BIRC6: variants seen among roughly 807,000 people sequenced by gnomAD.
BIRC6 encodes baculoviral IAP repeat containing 6, also known as dual E2 ubiquitin-conjugating enzyme/E3 ubiquitin-protein ligase BIRC6.
A neutral mutation model predicts 503.3 loss-of-function variants in BIRC6; 98 were observed. The observed-to-expected ratio is 0.19, with a 90% CI of 0.17 to 0.23. BIRC6 has a LOEUF of 0.23. Ranked by LOEUF, BIRC6 falls within the 10% of genes least tolerant of loss-of-function variation. The pLI is 1.00. For missense variants in BIRC6, 5,360 were observed against 5,806.0 expected (o/e 0.92, Z 2.50); for synonymous variants, 2,240 against 2,078.7 (o/e 1.08, Z -2.11).
chr2:32,614,529 A>G (rs533071471), intron 73 of BIRC6, among the ~76,000 whole-genome samples: 1 of 152,298 alleles, frequency 6.6e-6, no homozygotes, highest in Non-Finnish European at 1.5e-5. Flanking sequence ...AGTGCTACAC[A>G]AGAAAAATAC....
intron 59 of BIRC6, among the ~76,000 whole-genome samples, chr2:32,526,204 C>T (rs967190113): frequency 6.6e-6 from 1 of 152,156 alleles, no homozygotes; most frequent in African/African-American, 2.4e-5. Context: ...ACAGTTTTTT[C>T]AGTGTCCACA....
intron 53 of BIRC6, among the ~76,000 whole-genome samples, chr2:32,512,343 C>T (rs973028119): frequency 1.3e-5 from 2 of 152,118 alleles, no homozygotes; most frequent in Admixed American, 1.3e-4. Context: ...CTTTCGCTCC[C>T]AGGTTGTGGT....
In BIRC6 at chr2:32,401,531, C is replaced by A; in HGVS notation, c.1326C>A (p.Asp442Glu). ...AIVQQLILSG[D>E]PSSGVDSRRP... ...TACAACAGCTTATTCTATCAGGAGA[C>A]CCAAGCTCAGGAGTTGATTCAAGGA... is the stretch of plus-strand genomic sequence containing the variant. The change falls in exon 8 of 74, where the codon GAC (aspartate) becomes GAA (glutamate). Residue 442 changes from aspartate to glutamate, a missense_variant. Around this residue, in one of 16 missense-constraint regions of BIRC6, gnomAD observed 700 missense variants for 739.3 expected, o/e 0.95. Coordinates refer to ENST00000421745, the MANE Select transcript of BIRC6 (RefSeq NM_016252.4). 1 of 1,613,902 alleles carries A rather than the reference C, an allele frequency of 6.2e-7. No homozygotes were observed. The highest frequency in any genetic ancestry group is 1.1e-5 in the South Asian group (1 of 91,080).
chr2:32,367,953 TC>T (rs1334521635), intron 1 of BIRC6, among the ~76,000 whole-genome samples: 2 of 152,240 alleles, frequency 1.3e-5, no homozygotes, highest in African/African-American at 4.8e-5. Context: ...GATGGGAATG[TC>T]TTCTTCAAGA....
chr2:32,446,382 A>G (rs2045946797), intron 21 of BIRC6, among the ~76,000 whole-genome samples: 4 of 152,236 alleles, frequency 2.6e-5, no homozygotes, highest in Admixed American at 2.6e-4. Context: ...TGAATTAAGC[A>G]ATAGCAAAAG....
rs1209485245 is a variant in BIRC6, at chr2:32,471,010, C to G, written c.6482-4C>G. The G allele has an allele frequency of 6.4e-7, 1 of 1,562,412 alleles. No individual in the cohort carries two copies. Among genetic ancestry groups the G allele is most frequent in the Non-Finnish European group, 8.7e-7 (1 of 1,151,388 alleles). ...GTTTTTCCTTTGCTGTCATCTCTCT[C>G]CAGGAGTACTAGATATTCCCATGAT... On this transcript the variant is annotated splice_polypyrimidine_tract_variant and splice_region_variant and intron_variant, in intron 31 of 73. Transcript: ENST00000421745.
chr2:32,447,614 C>G (rs2046193963), intron 21 of BIRC6, among the ~76,000 whole-genome samples: 1 of 122,128 alleles, frequency 8.2e-6, no homozygotes, highest in African/African-American at 3.3e-5. Flanking sequence ...GCTGATCCCC[C>G]CACCTCCCTC....
chr2:32,560,352 A>G (rs1559053741), intron 65 of BIRC6, among the ~76,000 whole-genome samples: 1 of 152,102 alleles, frequency 6.6e-6, no homozygotes, highest in Admixed American at 6.6e-5. Flanking sequence ...AGTGCTTATT[A>G]TTACCTTGTT....
At chr2:32,361,218 G>A (rs1046122551) in intron 1 of BIRC6, among the ~76,000 whole-genome samples, 1 of 151,958 alleles carries the variant, frequency 6.6e-6, no homozygotes, top group African/African-American at 2.4e-5. Flanking sequence ...TACAGGTTTG[G>A]GCCACCGCGC....
intron 4 of BIRC6, 114 bp downstream of exon 4, chr2:32,389,057 C>T (rs1263785259): frequency 4.1e-6 from 3 of 735,878 alleles, no homozygotes; most frequent in Non-Finnish European, 5.8e-6. Context: ...CAATTTCTAG[C>T]CTAATTTTGA....
chr2:32,368,127 G>A (rs758110724), intron 1 of BIRC6, among the ~76,000 whole-genome samples: 2 of 152,092 alleles, frequency 1.3e-5, no homozygotes, highest in Non-Finnish European at 1.5e-5. Context: ...AAAATACCTC[G>A]CTTGGGCCCC....
At chr2:32,493,698 T>C (rs2052042779) in intron 45 of BIRC6, 31 bp downstream of exon 45, 2 of 1,510,984 alleles carry the variant, frequency 1.3e-6, no homozygotes, top group Non-Finnish European at 1.8e-6. Flanking sequence ...TTGTTCCTGA[T>C]ATAGAAGTAA....
At chr2:32,474,533 G>T (rs2049506267) in intron 33 of BIRC6, among the ~76,000 whole-genome samples, 1 of 152,170 alleles carries the variant, frequency 6.6e-6, no homozygotes, top group South Asian at 2.1e-4. Context: ...GTGGTCAGGT[G>T]TCAGTATTAC....
At position 32,482,344 on chromosome 2, in the gene BIRC6, T is replaced by A. The variant is rs2050501646; in HGVS notation, c.7543-85T>A. 5 of 1,290,812 alleles carry A rather than the reference T, an allele frequency of 3.9e-6. No individual in the cohort carries two copies. In the East Asian group the frequency reaches 1.2e-4, roughly 31 times the overall value. The allele number at this position is 1,290,812 out of a possible 1,614,324, so 80.0% of individuals were successfully genotyped here. ...GTGGATAGAATATTTATTTTGTAGT[T>A]CTGTTTGGGTTTAGATAATGTAAAT... On this transcript the variant is annotated intron_variant, in intron 38 of 73. Transcript: ENST00000421745.
intron 65 of BIRC6, among the ~76,000 whole-genome samples, chr2:32,550,955 G>A (rs1463703570): frequency 6.6e-6 from 1 of 151,828 alleles, no homozygotes; most frequent in African/African-American, 2.4e-5. Context: ...TTATTTTCCT[G>A]GAAAAAAGAA....
chr2:32,485,750 TCTC>T lies in BIRC6; in HGVS notation c.7807_7809del (p.Pro2603del). The T allele has an allele frequency of 3.1e-6, 5 of 1,594,526 alleles. No individual in the cohort carries two copies. The highest frequency in any genetic ancestry group is 4.3e-6 in the Non-Finnish European group (5 of 1,162,382). On this transcript the variant is annotated inframe_deletion, in exon 40 of 74. Transcript: ENST00000421745. ...CATTTTACAGGCATTAACAAATACA[TCTC>T]CTACATGTAAGTAAAATGACCATTT...
intron 12 of BIRC6, among the ~76,000 whole-genome samples, chr2:32,432,459 G>T (rs1047656265): frequency 6.6e-6 from 1 of 151,960 alleles, no homozygotes. Flanking sequence ...GCTGGATCAT[G>T]AATGCCTTTA....
chr2:32,568,860 A>G (rs2059724427), intron 65 of BIRC6, among the ~76,000 whole-genome samples: 1 of 151,672 alleles, frequency 6.6e-6, no homozygotes, highest in African/African-American at 2.4e-5. Flanking sequence ...AAAAAAAAGC[A>G]CACATTTCTT....
chr2:32,399,851 G>A (rs2040407261), intron 6 of BIRC6, among the ~76,000 whole-genome samples: 2 of 151,994 alleles, frequency 1.3e-5, no homozygotes, highest in Admixed American at 6.6e-5. Flanking sequence ...GCAGTGGCAC[G>A]ATCGTAGCTC....
Sources: allele counts gnomAD v4.1 joint callset (sites outside exome capture counted in the v4.1 genomes callset), GRCh38; gene constraint gnomAD v4.1.1; regional missense constraint gnomAD v4.1.1; transcripts MANE v1.5; gene names NCBI Gene and HGNC (gene_info 2026-07-23, HGNC 2026-07-21).